Variants in DNAJC17 observed in about 807,000 individuals in gnomAD.
DNAJC17 encodes the protein dnaJ homolog subfamily C member 17.
Under a neutral mutation model 48.1 loss-of-function variants are expected in DNAJC17, and 35 were observed. That is an observed-to-expected ratio of 0.73 (90% CI 0.56 to 0.96). The LOEUF (loss-of-function observed/expected upper bound fraction) is 0.96. Among genes scored for constraint, DNAJC17 ranks in the 50% least tolerant of loss-of-function variants. The probability of loss-of-function intolerance (pLI) is 0.00; values close to 1 mark genes in which losing one functional copy is unlikely to be tolerated. For synonymous variants in DNAJC17, 117 were observed against 142.7 expected (o/e 0.82, Z 1.28); for missense variants, 355 against 377.1 (o/e 0.94, Z 0.48).
intron 1 of DNAJC17, among the ~76,000 whole-genome samples, chr15:40,795,527 C>A (rs1889922915): frequency 6.6e-6 from 1 of 152,088 alleles, no homozygotes; most frequent in Non-Finnish European, 1.5e-5. Flanking sequence ...TTCAACCCTC[C>A]TCTAAAACAC....
At chr15:40,782,846 G>A (rs753828718) in intron 1 of DNAJC17, among the ~76,000 whole-genome samples, 1 of 152,092 alleles carries the variant, frequency 6.6e-6, no homozygotes, top group Non-Finnish European at 1.5e-5. Flanking sequence ...TGCCATGGCA[G>A]CCCAAGCTGT....
Position 40,773,301 on chromosome 15 carries a change from C to T in DNAJC17, c.792+426G>A, listed in dbSNP as rs543241636. Among the ~76,000 whole-genome samples the T allele has an allele frequency of 9.9e-5, 15 of 152,204 alleles. 1 individual carries two copies. Among genetic ancestry groups the T allele is most frequent in the African/African-American group, 1.9e-4 (8 of 41,524 alleles). On this transcript the variant is annotated intron_variant, in intron 10 of 10. Transcript: ENST00000220496. Reference sequence around the variant, plus strand: ...AGAGGAGATATTGCCTCTTGACAGTCGGTCCCTTTCTGGGGCAGCCAGAGA... The same window carrying T: ...AGAGGAGATATTGCCTCTTGACAGTTGGTCCCTTTCTGGGGCAGCCAGAGA...
In DNAJC17 at chr15:40,807,420, C is replaced by T. The variant is rs895928736; in HGVS notation, c.27G>A (p.Gln9=). The change falls in exon 1 of 11, where the codon CAG becomes CAA. Residue 9 remains glutamine, a synonymous_variant. Transcript: ENST00000220496. ...TGCCTAGCAGCGCGTACAGGTCCAT[C>T]TGTAAGAGCTCCTTGGTCACTGCCA... MAVTKELL[Q]MDLYALLGIE... is the part of the protein sequence containing the mutation. 6.2e-7 allele frequency: 1 copy of T among 1,614,268 alleles called. No individual in the cohort carries two copies. Among genetic ancestry groups the T allele is most frequent in the Non-Finnish European group, 8.5e-7 (1 of 1,180,050 alleles).
chr15:40,807,014 T>A, intron 1 of DNAJC17: 1 of 529,810 alleles, frequency 1.9e-6, no homozygotes, highest in Non-Finnish European at 3.3e-6. Flanking sequence ...GAGACTGAAA[T>A]GAGGCACCTC....
intron 1 of DNAJC17, among the ~76,000 whole-genome samples, chr15:40,790,026 A>G (rs1174183022): frequency 2.0e-5 from 3 of 152,104 alleles, no homozygotes; most frequent in Non-Finnish European, 4.4e-5. Flanking sequence ...AATGGAAAAC[A>G]TTTTGAATGC....
intron 4 of DNAJC17, among the ~76,000 whole-genome samples, chr15:40,778,593 C>T (rs1485731501): frequency 1.3e-5 from 2 of 152,164 alleles, no homozygotes; most frequent in South Asian, 2.1e-4. Context: ...TTAAATCCCA[C>T]CTCCAGCAAG....
Position 40,777,706 on chromosome 15 carries a change from G to A in DNAJC17, c.296-1079C>T, listed in dbSNP as rs375077650. Among the ~76,000 whole-genome samples, 292 of 148,814 alleles carry A rather than the reference G, an allele frequency of 2.0e-3. 1 individual carries two copies. Among genetic ancestry groups the A allele is most frequent in the African/African-American group, 6.9e-3 (279 of 40,432 alleles). On this transcript the variant is annotated intron_variant, in intron 4 of 10. Transcript: ENST00000220496. ...GCACTCCAGCCTGGGCAACAAGAGCGAAACTCCGTTTAAGAAAAAAAAAAA... is the reference window on the plus strand; with the variant it reads ...GCACTCCAGCCTGGGCAACAAGAGCAAAACTCCGTTTAAGAAAAAAAAAAA...
At chr15:40,800,603 C>T (rs372580299) in intron 1 of DNAJC17, among the ~76,000 whole-genome samples, 3 of 150,642 alleles carry the variant, frequency 2.0e-5, no homozygotes, top group Non-Finnish European at 3.0e-5. Context: ...ATTTTTTAAC[C>T]GAGTTGTTTT....
Position 40,765,777 on chromosome 15 carries a change from C to A in DNAJC17, c.*2163G>T. 3 of 930,450 alleles carry A rather than the reference C, an allele frequency of 3.2e-6. No individual in the cohort carries two copies. The highest frequency in any genetic ancestry group is 1.6e-5 in the South Asian group (1 of 61,648). The allele number at this position is 930,450 out of a possible 1,614,324, so 57.6% of individuals were successfully genotyped here. ...GGGGAGGAAGGACAGGCAAGACCTT[C>A]CACCTCCTCCTGGCAGCCAGCCAAG... On this transcript the variant is annotated 3_prime_UTR_variant, in exon 11 of 11. Transcript: ENST00000220496.
At chr15:40,806,597 G>A (rs61419467) in intron 1 of DNAJC17, among the ~76,000 whole-genome samples, 11,750 of 152,104 alleles carry the variant, frequency 0.077, 1,135 homozygotes, top group African/African-American at 0.23. Context: ...GTGCAGTGGC[G>A]CGATCTCGGC....
In DNAJC17 at chr15:40,780,008, C is replaced by A. The variant is rs1220108295; in HGVS notation, c.79-11G>T. 6.2e-7 allele frequency: 1 copy of A among 1,613,574 alleles called. No homozygotes were observed. The highest frequency in any genetic ancestry group is 2.2e-5 in the East Asian group (1 of 44,884). On this transcript the variant is annotated splice_polypyrimidine_tract_variant and intron_variant, in intron 1 of 10. Transcript: ENST00000220496. ...ATACGCCTTCTTTACCTGGAAGAGT[C>A]AGACAGAAGACATGGCCATTCACTC...
At chr15:40,804,348 C>G (rs2141966777) in intron 1 of DNAJC17, among the ~76,000 whole-genome samples, 1 of 151,554 alleles carries the variant, frequency 6.6e-6, no homozygotes, top group Non-Finnish European at 1.5e-5. Flanking sequence ...GGAGACCAGG[C>G]AGGAGGATAG....
At chr15:40,801,232 G>A (rs1372480613) in intron 1 of DNAJC17, among the ~76,000 whole-genome samples, 4 of 152,192 alleles carry the variant, frequency 2.6e-5, no homozygotes. Flanking sequence ...TAGGAGTGCA[G>A]AGGGGATTAA....
At position 40,766,097 on chromosome 15, in the gene DNAJC17, CCT is replaced by C. The variant is rs1311799861; in HGVS notation, c.*1841_*1842del. On this transcript the variant is annotated 3_prime_UTR_variant, in exon 11 of 11. Coordinates refer to ENST00000220496, the MANE Select transcript of DNAJC17 (RefSeq NM_018163.3). ...CATCTGTAGCCTCTCCAACATCCCC[CCT>C]CTCCCCCACGAGGCTTGCTCTGAAA... 2.3e-6 allele frequency: 1 copy of C among 433,232 alleles called. No individual in the cohort carries two copies. Among genetic ancestry groups the C allele is most frequent in the South Asian group, 4.6e-5 (1 of 21,514 alleles). 26.8% of individuals were successfully genotyped at this position (433,232 alleles called of 1,614,324 possible).
chr15:40,783,280 C>G (rs1481711873), intron 1 of DNAJC17, among the ~76,000 whole-genome samples: 4 of 152,182 alleles, frequency 2.6e-5, no homozygotes, highest in African/African-American at 9.7e-5. Flanking sequence ...CCCCAGCCCT[C>G]TGACATCAAG....
chr15:40,770,694 T>C lies in DNAJC17; in HGVS notation c.793-2632A>G, dbSNP rs1372151784. 6 of 1,547,942 alleles carry C rather than the reference T, an allele frequency of 3.9e-6. No homozygotes were observed. Among genetic ancestry groups the C allele is most frequent in the Middle Eastern group, 1.7e-4 (1 of 6,006 alleles). On this transcript the variant is annotated intron_variant, in intron 10 of 10. Coordinates refer to ENST00000220496, the MANE Select transcript of DNAJC17 (RefSeq NM_018163.3). This position sits in a 1 kb window ranked among gnomAD's most constrained non-coding sequence, Gnocchi z 5.0. The stretch of plus-strand genomic sequence containing the variant: ...GCCAGATGGCCGGCGCCTGCCACTG[T>C]GGGGGGACGAGCAGCCCCGGGCCAC...
intron 1 of DNAJC17, among the ~76,000 whole-genome samples, chr15:40,787,354 G>C (rs1889667599): frequency 6.6e-6 from 1 of 152,172 alleles, no homozygotes; most frequent in South Asian, 2.1e-4. Context: ...ACATTCATTT[G>C]TTCTCAACCA....
rs1183625053 is a variant in DNAJC17, at chr15:40,768,030, G to GCT, written c.823_824dup (p.Ser275ArgfsTer5). On this transcript the variant is annotated frameshift_variant, in exon 11 of 11. Coordinates refer to ENST00000220496, the MANE Select transcript of DNAJC17 (RefSeq NM_018163.3). LOFTEE classifies it high-confidence loss of function. The stretch of plus-strand genomic sequence containing the variant: ...CCTGGCGCATGCGCATCATGACGAG[G>GCT]CTCTCGTAGTCCCTCTCTGACAGCA... The GCT allele has an allele frequency of 2.5e-6, 4 of 1,594,830 alleles. No homozygotes were observed. Among genetic ancestry groups the GCT allele is most frequent in the Non-Finnish European group, 3.4e-6 (4 of 1,172,724 alleles).
rs1889830249 is a variant in DNAJC17 at position 40,792,402 on chromosome 15, G to A, written c.79-12405C>T. The A allele has an allele frequency of 1.9e-5, 18 of 945,422 alleles. 1 individual carries two copies. In the South Asian group the frequency reaches 7.8e-4, roughly 41 times the overall value. 58.6% of individuals were successfully genotyped at this position (945,422 alleles called of 1,614,324 possible). On this transcript the variant is annotated intron_variant, in intron 1 of 10. Transcript: ENST00000220496. ...TAAATAGACTTAAGCTTTGAGTCTT[G>A]AAAAACAATCAAAATGCATTTTCAA...
Sources: gnomAD v4.1 joint callset for allele counts (sites outside exome capture counted in the v4.1 genomes callset) on GRCh38, gnomAD v4.1.1 for gene constraint, Gnocchi (gnomAD v3.1) non-coding constraint, MANE v1.5 for transcripts, NCBI Gene and HGNC (gene_info 2026-07-23, HGNC 2026-07-21) for gene names.